SHOC2: variants seen among roughly 807,000 people sequenced by gnomAD.
The protein encoded by SHOC2 is SHOC2 leucine rich repeat scaffold protein.
SHOC2 carries 4 observed loss-of-function variants against 50.2 expected under a neutral mutation model. The ratio of observed to expected loss-of-function variants is 0.08; its 90% CI spans 0.04 to 0.18. The LOEUF is 0.18. SHOC2 is among the 10% of genes least tolerant of loss of function. The pLI is 1.00. For missense variants in SHOC2, 388 were observed against 669.6 expected (o/e 0.58, Z 4.64); for synonymous variants, 218 against 244.5 (o/e 0.89, Z 1.01).
rs559871855 is a variant in SHOC2, at chr10:110,977,696, G to C, written c.704-7932G>C. Among the ~76,000 whole-genome samples the C allele has an allele frequency of 9.8e-5, 15 of 152,300 alleles. No individual in the cohort carries two copies. The East Asian group carries it at 2.9e-3, about 29-fold the overall frequency. ...AGTCAGTTTAATCCTTTCGTGGCTT[G>C]CTTTTAAGCTTTGTTATGGTAGTTT... On this transcript the variant is annotated intron_variant, in intron 2 of 8. Transcript: ENST00000369452.
At chr10:110,925,020 G>A (rs1461306504) in intron 1 of SHOC2, among the ~76,000 whole-genome samples, 5 of 133,002 alleles carry the variant, frequency 3.8e-5, no homozygotes, top group African/African-American at 8.5e-5. Context: ...GCGGTAAGCC[G>A]AGAACATGCT....
In SHOC2 at chr10:110,961,929, G is replaced by A. The variant is rs1590802718; in HGVS notation, c.-234-2196G>A. ...CATTTGGTCATATCATGTGTTTCCC[G>A]AACTTGATAAGCTTTTGTTGAGGCG... On this transcript the variant is annotated intron_variant, in intron 1 of 8. Transcript: ENST00000369452. Among the ~76,000 whole-genome samples, 4 of 151,878 alleles carry A rather than the reference G, an allele frequency of 2.6e-5. No homozygotes were observed. In the East Asian group the frequency reaches 5.8e-4, roughly 22 times the overall value.
In SHOC2 at chr10:111,004,503, AC is replaced by A. The variant is rs1564729377; in HGVS notation, c.973-97del. On this transcript the variant is annotated intron_variant, in intron 4 of 8. Coordinates refer to ENST00000369452, the MANE Select transcript of SHOC2 (RefSeq NM_007373.4). ...CCCCAACCAGTCTCTGTCATTTGTC[AC>A]CCCCCAAAGCCCTTTGAGGCATTTG... The A allele has an allele frequency of 3.0e-5, 24 of 790,884 alleles. No homozygotes were observed. In the East Asian group the frequency reaches 5.0e-4, roughly 16 times the overall value. 49.0% of individuals were successfully genotyped at this position (790,884 alleles called of 1,614,324 possible).
chr10:110,933,985 T>C (rs1333422067), intron 1 of SHOC2, among the ~76,000 whole-genome samples: 3 of 152,154 alleles, frequency 2.0e-5, no homozygotes, highest in Non-Finnish European at 4.4e-5. Context: ...TGTATTTTGT[T>C]TGAATACCAC....
chr10:110,994,075 G>A lies in SHOC2; in HGVS notation c.842-6340G>A, dbSNP rs765067009. 7.2e-5 allele frequency among the ~76,000 whole-genome samples: 11 copies of A among 151,934 alleles called. No individual in the cohort carries two copies. In the South Asian group the frequency reaches 1.4e-3, roughly 20 times the overall value. On this transcript the variant is annotated intron_variant, in intron 3 of 8. Transcript: ENST00000369452. ...TTTCTTCCATAGGGAAAGCAGTGAT[G>A]TAAAGGAGAAAAAGGGATGGTCTTG...
intron 1 of SHOC2, among the ~76,000 whole-genome samples, chr10:110,920,907 C>T (rs1460916673): frequency 6.6e-6 from 1 of 152,124 alleles, no homozygotes; most frequent in Non-Finnish European, 1.5e-5. Flanking sequence ...ATACCGAGTG[C>T]GTCTAGTTTC....
chr10:110,956,146 C>A (rs1173927127), intron 1 of SHOC2, among the ~76,000 whole-genome samples: 3 of 152,024 alleles, frequency 2.0e-5, no homozygotes, highest in Admixed American at 2.0e-4. Flanking sequence ...TGCCTAATTG[C>A]CTGAAATGAC....
At chr10:110,935,473 C>T (rs1020926334) in intron 1 of SHOC2, among the ~76,000 whole-genome samples, 2 of 152,142 alleles carry the variant, frequency 1.3e-5, no homozygotes, top group Non-Finnish European at 2.9e-5. Flanking sequence ...TAGGTGTTTC[C>T]ATATACTGCT....
intron 1 of SHOC2, among the ~76,000 whole-genome samples, chr10:110,943,754 C>G (rs956119918): frequency 2.0e-5 from 3 of 152,090 alleles, no homozygotes; most frequent in Non-Finnish European, 2.9e-5. Context: ...TTGTGTTTGT[C>G]AAATTGAGAA....
intron 1 of SHOC2, among the ~76,000 whole-genome samples, chr10:110,940,411 C>T (rs1847112567): frequency 6.6e-6 from 1 of 152,066 alleles, no homozygotes; most frequent in Admixed American, 6.6e-5. Flanking sequence ...AGGAAGAAGG[C>T]ACATCTTTAG....
chr10:110,969,226 G>T (rs972178557), intron 2 of SHOC2, among the ~76,000 whole-genome samples: 1 of 152,092 alleles, frequency 6.6e-6, no homozygotes, highest in African/African-American at 2.4e-5. Context: ...TTCTTTTATA[G>T]ATCAGTGTTC....
At chr10:110,992,322 A>C (rs1334962014) in intron 3 of SHOC2, among the ~76,000 whole-genome samples, 3 of 152,182 alleles carry the variant, frequency 2.0e-5, no homozygotes, top group African/African-American at 7.2e-5. Flanking sequence ...TTTAACTGTT[A>C]GTCTGCCTTG....
chr10:110,926,116 C>T (rs1361355212), intron 1 of SHOC2, among the ~76,000 whole-genome samples: 1 of 152,182 alleles, frequency 6.6e-6, no homozygotes, highest in Admixed American at 6.5e-5. Context: ...ACCTTCCTTT[C>T]ATCCCTAGTT....
chr10:110,996,598 A>G (rs1218212868), intron 3 of SHOC2, among the ~76,000 whole-genome samples: 3 of 152,130 alleles, frequency 2.0e-5, no homozygotes, highest in Non-Finnish European at 4.4e-5. Flanking sequence ...TTTTGAGAAT[A>G]CAAATAGAAT....
chr10:111,013,330 G>T lies in SHOC2; in HGVS notation c.*1512G>T, dbSNP rs1161852458. ...GTTTTTTTTTTTTTCCATTTAGTTGGGCGTTGTGTTTTACACAAAACCATT... is the reference window on the plus strand; with the variant it reads ...GTTTTTTTTTTTTTCCATTTAGTTGTGCGTTGTGTTTTACACAAAACCATT... On this transcript the variant is annotated 3_prime_UTR_variant, in exon 9 of 9. Transcript: ENST00000369452. 6.6e-6 allele frequency: 1 copy of T among 150,752 alleles called. No homozygotes were observed. Among genetic ancestry groups the T allele is most frequent in the Non-Finnish European group, 1.5e-5 (1 of 67,700 alleles). 9.3% of individuals were successfully genotyped at this position (150,752 alleles called of 1,614,324 possible).
chr10:110,960,520 G>T (rs1847551191), intron 1 of SHOC2, among the ~76,000 whole-genome samples: 3 of 152,144 alleles, frequency 2.0e-5, no homozygotes, highest in African/African-American at 7.2e-5. Context: ...TCACTTAGTA[G>T]GTATCTGACT....
At position 111,011,757 on chromosome 10, in the gene SHOC2, G is replaced by T; in HGVS notation, c.1688G>T (p.Gly563Val). 1 of 1,613,902 alleles carries T rather than the reference G, an allele frequency of 6.2e-7. No individual in the cohort carries two copies. Residue 563 changes from glycine (G) to valine (V), a missense_variant, in exon 9 of 9, where the codon GGG (glycine) becomes GTG (valine). Physicochemically the swap from Gly to Val is moderately radical, Grantham distance 109. Around this residue, in one of 5 missense-constraint regions of SHOC2, gnomAD observed 130 missense variants for 208.6 expected, o/e 0.62. Coordinates refer to ENST00000369452, the MANE Select transcript of SHOC2 (RefSeq NM_007373.4). ...CACCTTCCACCTCAGATTGTTGCTG[G>T]GGGGCCTTCTTTCATCATTCAGTTC... is the stretch of plus-strand genomic sequence containing the variant. ...LSHLPPQIVA[G>V]GPSFIIQFLK...
chr10:110,958,458 T>C (rs7072816), intron 1 of SHOC2, among the ~76,000 whole-genome samples: 115,664 of 152,024 alleles, frequency 0.76, 44,277 homozygotes, highest in Admixed American at 0.85. Flanking sequence ...CTGATCCGTC[T>C]GCCTCAGCCT....
At chr10:110,996,411 G>A (rs567673263) in intron 3 of SHOC2, among the ~76,000 whole-genome samples, 2 of 151,788 alleles carry the variant, frequency 1.3e-5, no homozygotes, top group South Asian at 4.2e-4. Context: ...CCTGTAGTCC[G>A]TGCTACTCCA....
Sources: allele counts gnomAD v4.1 joint callset (sites outside exome capture counted in the v4.1 genomes callset), GRCh38; gene constraint gnomAD v4.1.1; regional missense constraint gnomAD v4.1.1; transcripts MANE v1.5; gene names NCBI Gene and HGNC (gene_info 2026-07-23, HGNC 2026-07-21).